Variants in HS3ST2 observed in about 807,000 individuals in gnomAD.
HS3ST2 encodes heparan sulfate glucosamine 3-O-sulfotransferase 2.
HS3ST2 carries 17 observed loss-of-function variants against 26.3 expected under a neutral mutation model. The observed-to-expected ratio is 0.65, with a 90% CI of 0.44 to 0.97. HS3ST2 has a LOEUF of 0.97. Ranked by LOEUF, HS3ST2 falls within the 50% of genes least tolerant of loss-of-function variation. The probability of loss-of-function intolerance (pLI) is 0.00; values close to 1 mark genes in which losing one functional copy is unlikely to be tolerated. For synonymous variants in HS3ST2, 237 were observed against 219.2 expected, an observed-to-expected ratio of 1.08 and a Z score of -0.72; for missense variants, 402 against 501.2, an observed-to-expected ratio of 0.80 and a Z score of 1.89.
chr16:22,889,431 A>T (rs975731526), intron 1 of HS3ST2, among the ~76,000 whole-genome samples: 1 of 152,166 alleles, frequency 6.6e-6, no homozygotes, highest in Non-Finnish European at 1.5e-5. Flanking sequence ...ACCATCCCCA[A>T]TCTGAAAATC....
At chr16:22,823,297 A>C (rs1434453395) in intron 1 of HS3ST2, among the ~76,000 whole-genome samples, 1 of 152,220 alleles carries the variant, frequency 6.6e-6, no homozygotes, top group Non-Finnish European at 1.5e-5. Flanking sequence ...AAGAGCAGTT[A>C]AAGAAATATC....
chr16:22,886,781 A>G (rs1430670797), intron 1 of HS3ST2, among the ~76,000 whole-genome samples: 2 of 151,336 alleles, frequency 1.3e-5, no homozygotes, highest in Non-Finnish European at 2.9e-5. Flanking sequence ...TTTTTTTTTA[A>G]GAGAGGATCT....
At chr16:22,905,154 A>G (rs1409004487) in intron 1 of HS3ST2, among the ~76,000 whole-genome samples, 2 of 152,234 alleles carry the variant, frequency 1.3e-5, no homozygotes, top group Non-Finnish European at 2.9e-5. Flanking sequence ...GAACACATAT[A>G]AAGAGTGTAC....
At chr16:22,832,449 C>T (rs933038974) in intron 1 of HS3ST2, among the ~76,000 whole-genome samples, 3 of 152,034 alleles carry the variant, frequency 2.0e-5, no homozygotes, top group African/African-American at 7.2e-5. Flanking sequence ...ACAAGCTTCC[C>T]TAAACTTTCA....
At position 22,857,420 on chromosome 16, in the gene HS3ST2, T is replaced by C. The variant is rs112783863; in HGVS notation, c.485+42325T>C. On this transcript the variant is annotated intron_variant, in intron 1 of 1. Coordinates refer to ENST00000261374, the MANE Select transcript of HS3ST2 (RefSeq NM_006043.2). ...GCCTCTCGATGAGTATTTGAGATGA[T>C]TTTAAAGCGTAAACAGTGGAAAACG... Among the ~76,000 whole-genome samples the C allele has an allele frequency of 3.9e-5, 6 of 152,322 alleles. 1 individual carries two copies. The highest frequency in any genetic ancestry group is 1.4e-4 in the African/African-American group (6 of 41,574).
At chr16:22,898,546 G>T (rs1361444473) in intron 1 of HS3ST2, among the ~76,000 whole-genome samples, 1 of 152,206 alleles carries the variant, frequency 6.6e-6, no homozygotes, top group Non-Finnish European at 1.5e-5. Flanking sequence ...AGAAAGAACA[G>T]CACAGCCCTA....
At chr16:22,852,899 T>G (rs932688808) in intron 1 of HS3ST2, among the ~76,000 whole-genome samples, 8 of 152,170 alleles carry the variant, frequency 5.3e-5, no homozygotes, top group Non-Finnish European at 1.2e-4. Flanking sequence ...TATTTTTACG[T>G]AGTCTTGGTT....
At chr16:22,879,264 T>A (rs1367638784) in intron 1 of HS3ST2, among the ~76,000 whole-genome samples, 1 of 152,200 alleles carries the variant, frequency 6.6e-6, no homozygotes, top group African/African-American at 2.4e-5. Flanking sequence ...TTTCTTTGGA[T>A]TCCAACAGAA....
chr16:22,894,576 C>T (rs1250910086), intron 1 of HS3ST2, among the ~76,000 whole-genome samples: 1 of 152,076 alleles, frequency 6.6e-6, no homozygotes, highest in Non-Finnish European at 1.5e-5. Flanking sequence ...CAGCCTTCTC[C>T]TCTTTCCTAA....
chr16:22,868,405 C>CA (rs77630354), intron 1 of HS3ST2, among the ~76,000 whole-genome samples: 4,758 of 43,230 alleles, frequency 0.11, 355 homozygotes, highest in Non-Finnish European at 0.14. Flanking sequence ...AAGACTCCAT[C>CA]AAAAAAAAAA....
intron 1 of HS3ST2, among the ~76,000 whole-genome samples, chr16:22,878,699 C>T (rs1452766825): frequency 1.3e-5 from 2 of 151,700 alleles, no homozygotes; most frequent in Non-Finnish European, 2.9e-5. Context: ...GTAAGGGGTA[C>T]CGAGGGAAGG....
At chr16:22,847,380 T>C (rs1480012224) in intron 1 of HS3ST2, among the ~76,000 whole-genome samples, 1 of 152,134 alleles carries the variant, frequency 6.6e-6, no homozygotes, top group Admixed American at 6.5e-5. Context: ...CACAGATAGA[T>C]CTTAAAAGCA....
At position 22,828,279 on chromosome 16, in the gene HS3ST2, T is replaced by C. The variant is rs544652193; in HGVS notation, c.485+13184T>C. On this transcript the variant is annotated intron_variant, in intron 1 of 1. Transcript: ENST00000261374. Reference sequence around the variant, plus strand: ...AGAGTTCTTAGGTAACCTCTTGAGATCTGTTAAAGGTGAAATTAGCCCTCT... The same window carrying C: ...AGAGTTCTTAGGTAACCTCTTGAGACCTGTTAAAGGTGAAATTAGCCCTCT... Among the ~76,000 whole-genome samples the C allele has an allele frequency of 2.0e-5, 3 of 152,260 alleles. No individual in the cohort carries two copies. The South Asian group carries it at 6.2e-4, about 32-fold the overall frequency.
At chr16:22,905,653 G>A (rs953353644) in intron 1 of HS3ST2, among the ~76,000 whole-genome samples, 1 of 152,144 alleles carries the variant, frequency 6.6e-6, no homozygotes, top group African/African-American at 2.4e-5. Flanking sequence ...TTGTCCAGGT[G>A]TAGAGAATAC....
At chr16:22,853,781 A>T (rs1901551505) in intron 1 of HS3ST2, among the ~76,000 whole-genome samples, 1 of 152,132 alleles carries the variant, frequency 6.6e-6, no homozygotes, top group Admixed American at 6.5e-5. Context: ...TGCCATGATC[A>T]CAAAAATTCC....
chr16:22,891,940 A>C (rs1455078675), intron 1 of HS3ST2, among the ~76,000 whole-genome samples: 1 of 152,150 alleles, frequency 6.6e-6, no homozygotes, highest in East Asian at 1.9e-4. Flanking sequence ...TGAAAATCAA[A>C]GAATAGGCTG....
intron 1 of HS3ST2, among the ~76,000 whole-genome samples, chr16:22,867,210 G>T (rs1901770055): frequency 6.6e-6 from 1 of 152,130 alleles, no homozygotes; most frequent in African/African-American, 2.4e-5. Flanking sequence ...GAGACAACTG[G>T]CTTGCCATTT....
At chr16:22,874,043 C>A (rs989968491) in intron 1 of HS3ST2, among the ~76,000 whole-genome samples, 1 of 152,162 alleles carries the variant, frequency 6.6e-6, no homozygotes, top group South Asian at 2.1e-4. Flanking sequence ...GCCATGTTTG[C>A]GACTATCCTG....
intron 1 of HS3ST2, among the ~76,000 whole-genome samples, chr16:22,830,760 G>A (rs1053186246): frequency 2.0e-5 from 3 of 152,036 alleles, no homozygotes; most frequent in Non-Finnish European, 2.9e-5. Flanking sequence ...AATCTAACAC[G>A]TTGCCTCCCA....
Sources: gnomAD v4.1 joint callset for allele counts (sites outside exome capture counted in the v4.1 genomes callset) on GRCh38, gnomAD v4.1.1 for gene constraint, MANE v1.5 for transcripts, NCBI Gene and HGNC (gene_info 2026-07-23, HGNC 2026-07-21) for gene names.